Variants in CNTNAP5 observed in about 807,000 individuals in gnomAD.
CNTNAP5 encodes contactin-associated protein-like 5.
A neutral mutation model predicts 150.2 loss-of-function variants in CNTNAP5; 72 were observed. The ratio of observed to expected loss-of-function variants is 0.48; its 90% CI spans 0.40 to 0.58. CNTNAP5 has a LOEUF of 0.58. Ranked by LOEUF, CNTNAP5 falls within the 20% of genes least tolerant of loss-of-function variation. The pLI is 0.00. For missense variants in CNTNAP5, 1,636 were observed against 1,626.2 expected, an observed-to-expected ratio of 1.01 and a Z score of -0.10; for synonymous variants, 672 against 619.8, an observed-to-expected ratio of 1.08 and a Z score of -1.25.
At chr2:124,423,866 G>A (rs866782994) in intron 4 of CNTNAP5, among the ~76,000 whole-genome samples, 7 of 131,936 alleles carry the variant, frequency 5.3e-5, no homozygotes, top group East Asian at 2.3e-4. Flanking sequence ...GGGTTTCACC[G>A]TGTTAGCCAG....
chr2:124,601,105 G>A (rs957960040), intron 11 of CNTNAP5, among the ~76,000 whole-genome samples: 3 of 152,146 alleles, frequency 2.0e-5, no homozygotes, highest in Non-Finnish European at 4.4e-5. Flanking sequence ...CACTGAGAGA[G>A]AAGACTGGAA....
At chr2:124,898,745 C>T (rs1182454272) in intron 21 of CNTNAP5, among the ~76,000 whole-genome samples, 1 of 151,438 alleles carries the variant, frequency 6.6e-6, no homozygotes, top group Non-Finnish European at 1.5e-5. Context: ...GTTCTAAATG[C>T]AACAGTACTT....
At chr2:124,508,523 A>G (rs1009971625) in intron 8 of CNTNAP5, among the ~76,000 whole-genome samples, 1 of 152,218 alleles carries the variant, frequency 6.6e-6, no homozygotes, top group African/African-American at 2.4e-5. Context: ...TTAAAAATCC[A>G]GGTGCTGTCT....
At chr2:124,702,281 G>A (rs1679537670) in intron 13 of CNTNAP5, among the ~76,000 whole-genome samples, 1 of 135,766 alleles carries the variant, frequency 7.4e-6, no homozygotes, top group Non-Finnish European at 1.5e-5. Context: ...TTAAGCATAA[G>A]TACTTCTGTT....
intron 7 of CNTNAP5, among the ~76,000 whole-genome samples, chr2:124,484,532 T>G (rs758227524): frequency 1.3e-5 from 2 of 152,210 alleles, no homozygotes; most frequent in African/African-American, 2.4e-5. Flanking sequence ...ATGCCTACTT[T>G]ACATATATAA....
Position 124,914,298 on chromosome 2 carries a change from G to T in CNTNAP5, c.*10G>T, listed in dbSNP as rs765844923. The T allele has an allele frequency of 6.3e-7, 1 of 1,594,908 alleles. No individual in the cohort carries two copies. The highest frequency in any genetic ancestry group is 1.7e-5 in the Admixed American group (1 of 59,556). On this transcript the variant is annotated 3_prime_UTR_variant, in exon 24 of 24. Transcript: ENST00000682447. ...GGAATATTTCATCTGAGAAACTGCA[G>T]GGTTCCTACTACTCTTTTTTCTTGT... is the stretch of plus-strand genomic sequence containing the variant.
At chr2:124,495,977 C>T (rs915470994) in intron 7 of CNTNAP5, among the ~76,000 whole-genome samples, 10 of 152,006 alleles carry the variant, frequency 6.6e-5, no homozygotes, top group African/African-American at 2.4e-4. Context: ...TCCCTCATGG[C>T]ACTTGGTCAT....
intron 19 of CNTNAP5, among the ~76,000 whole-genome samples, chr2:124,833,331 A>G (rs1254859946): frequency 6.6e-6 from 1 of 152,158 alleles, no homozygotes; most frequent in Non-Finnish European, 1.5e-5. Flanking sequence ...TCTGAGACTC[A>G]GGAGAGACCC....
chr2:124,717,258 C>G (rs372140823), intron 13 of CNTNAP5, among the ~76,000 whole-genome samples: 1 of 152,108 alleles, frequency 6.6e-6, no homozygotes, highest in African/African-American at 2.4e-5. Flanking sequence ...AGATCAGAGG[C>G]TGCGTGCTGC....
chr2:124,876,062 T>C (rs1364412339), intron 21 of CNTNAP5, among the ~76,000 whole-genome samples: 1 of 152,138 alleles, frequency 6.6e-6, no homozygotes, highest in Non-Finnish European at 1.5e-5. Flanking sequence ...GGTGCTTCAT[T>C]TGCAGGCAAG....
Position 124,563,332 on chromosome 2 carries a change from A to G in CNTNAP5, c.1756+9A>G. ...TGCCACCTGCCACAACTGTGAGTAG[A>G]TTGATCATTTGCCCCTGGTGGCTTG... On this transcript the variant is annotated intron_variant, in intron 11 of 23. Transcript: ENST00000682447. The G allele has an allele frequency of 2.6e-6, 4 of 1,526,704 alleles. No individual in the cohort carries two copies. The highest frequency in any genetic ancestry group is 3.6e-6 in the Non-Finnish European group (4 of 1,121,954). The allele number at this position is 1,526,704 out of a possible 1,614,324, so 94.6% of individuals were successfully genotyped here.
intron 11 of CNTNAP5, among the ~76,000 whole-genome samples, chr2:124,605,176 C>T (rs1697073807): frequency 6.6e-6 from 1 of 152,222 alleles, no homozygotes. Context: ...GCCTGGCTGA[C>T]CCAGCAGCTG....
chr2:124,537,020 T>G (rs1695248393), intron 10 of CNTNAP5, among the ~76,000 whole-genome samples: 1 of 151,202 alleles, frequency 6.6e-6, no homozygotes, highest in African/African-American at 2.5e-5. Context: ...TGACAATGTG[T>G]GGTGTGTGTG....
At chr2:124,663,103 C>G (rs1270832883) in intron 13 of CNTNAP5, among the ~76,000 whole-genome samples, 1 of 152,076 alleles carries the variant, frequency 6.6e-6, no homozygotes, top group African/African-American at 2.4e-5. Context: ...GGAACAAACG[C>G]ATGTTCAAAG....
At chr2:124,324,463 T>A (rs1689168951) in intron 3 of CNTNAP5, among the ~76,000 whole-genome samples, 1 of 151,240 alleles carries the variant, frequency 6.6e-6, no homozygotes, top group South Asian at 2.1e-4. Flanking sequence ...CGAAAGGGAG[T>A]GAGATTTGCG....
intron 5 of CNTNAP5, among the ~76,000 whole-genome samples, chr2:124,437,270 C>T (rs1692555197): frequency 6.6e-6 from 1 of 152,128 alleles, no homozygotes. Flanking sequence ...GCCTGCACTC[C>T]TGACTCCTCC....
intron 8 of CNTNAP5, among the ~76,000 whole-genome samples, chr2:124,505,821 C>T (rs1004202946): frequency 5.9e-5 from 9 of 152,092 alleles, no homozygotes; most frequent in African/African-American, 2.2e-4. Flanking sequence ...GATTGGTCTG[C>T]AGCATGCTGA....
chr2:124,139,261 C>T (rs1030093883), intron 1 of CNTNAP5, among the ~76,000 whole-genome samples: 2 of 94,092 alleles, frequency 2.1e-5, no homozygotes, highest in African/African-American at 8.3e-5. Context: ...TATTTCTACC[C>T]CAACACACAC....
intron 3 of CNTNAP5, among the ~76,000 whole-genome samples, chr2:124,375,948 C>A (rs1028931484): frequency 6.6e-6 from 1 of 151,994 alleles, no homozygotes; most frequent in African/African-American, 2.4e-5. Flanking sequence ...AAAGTGTCCT[C>A]AAAATGGAAC....
Sources: gnomAD v4.1 joint callset for allele counts (sites outside exome capture counted in the v4.1 genomes callset) on GRCh38, gnomAD v4.1.1 for gene constraint, MANE v1.5 for transcripts, NCBI Gene and HGNC (gene_info 2026-07-23, HGNC 2026-07-21) for gene names.